Variants in ERBB4 observed in about 807,000 individuals in gnomAD.
ERBB4 encodes receptor tyrosine-protein kinase erbB-4.
In ERBB4, 42 loss-of-function variants were observed where a neutral mutation model predicts 158.0. That is an observed-to-expected ratio of 0.27 (90% confidence interval 0.21 to 0.34). ERBB4 has a LOEUF of 0.34. Among genes scored for constraint, ERBB4 ranks in the 10% least tolerant of loss-of-function variants. ERBB4 has a pLI of 1.00. For synonymous variants in ERBB4, 583 were observed against 558.7 expected, an observed-to-expected ratio of 1.04 and a Z score of -0.61; for missense variants, 1,333 against 1,624.1, an observed-to-expected ratio of 0.82 and a Z score of 3.08.
chr2:212,241,356 TTATATAACATCTA>T (rs1264267634), intron 1 of ERBB4, among the ~76,000 whole-genome samples: 10 of 152,196 alleles, frequency 6.6e-5, no homozygotes, highest in Admixed American at 5.2e-4. Flanking sequence ...TACTACATCT[TTATATAACATCTA>T]TATATAACAT....
rs1029170884 is a variant in ERBB4 at position 211,457,506 on chromosome 2, A to G, written c.2488-26406T>C. On this transcript the variant is annotated intron_variant, in intron 20 of 27. Transcript: ENST00000342788. ...AAAAGCTCCAACTGCCACTTATCCTAGAGAGGTAGCAATATGTAAACATCG... is the reference window on the plus strand; with the variant it reads ...AAAAGCTCCAACTGCCACTTATCCTGGAGAGGTAGCAATATGTAAACATCG... Among the ~76,000 whole-genome samples the G allele has an allele frequency of 3.3e-5, 5 of 152,314 alleles. No homozygotes were observed. In the East Asian group the frequency reaches 7.7e-4, roughly 24 times the overall value.
intron 2 of ERBB4, among the ~76,000 whole-genome samples, chr2:212,018,003 A>T (rs1487123255): frequency 6.6e-6 from 1 of 152,184 alleles, no homozygotes; most frequent in East Asian, 1.9e-4. Flanking sequence ...GGAGATCAAC[A>T]TTATACTTAG....
At chr2:211,563,155 T>C (rs933105811) in intron 19 of ERBB4, among the ~76,000 whole-genome samples, 1 of 152,198 alleles carries the variant, frequency 6.6e-6, no homozygotes, top group Non-Finnish European at 1.5e-5. Flanking sequence ...ATTTAGTGCA[T>C]ACCAGTTAGC....
At chr2:212,120,526 T>C (rs1164683774) in intron 2 of ERBB4, among the ~76,000 whole-genome samples, 1 of 152,214 alleles carries the variant, frequency 6.6e-6, no homozygotes, top group Non-Finnish European at 1.5e-5. Flanking sequence ...ATGTTGAATA[T>C]GCAGATAGTG....
intron 2 of ERBB4, among the ~76,000 whole-genome samples, chr2:211,958,859 A>C (rs2081097802): frequency 6.6e-6 from 1 of 152,066 alleles, no homozygotes; most frequent in South Asian, 2.1e-4. Context: ...TAACTGCAAA[A>C]TCTGCTTTAA....
intron 20 of ERBB4, among the ~76,000 whole-genome samples, chr2:211,524,641 C>T (rs187611222): frequency 0.5 from 11,477 of 23,092 alleles, 690 homozygotes; most frequent in African/African-American, 0.52. Context: ...CCTCATTGCC[C>T]GGGGCCGGCA....
intron 20 of ERBB4, among the ~76,000 whole-genome samples, chr2:211,497,572 C>T (rs1241740187): frequency 6.6e-6 from 1 of 151,972 alleles, no homozygotes; most frequent in East Asian, 1.9e-4. Flanking sequence ...AAGTGAAGCA[C>T]ATTATAAAAA....
At chr2:212,380,917 C>T (rs962098218) in intron 1 of ERBB4, among the ~76,000 whole-genome samples, 3 of 151,104 alleles carry the variant, frequency 2.0e-5, no homozygotes, top group Non-Finnish European at 4.4e-5. Flanking sequence ...AACACAAAAT[C>T]ATATATTGGG....
intron 20 of ERBB4, among the ~76,000 whole-genome samples, chr2:211,556,574 T>A (rs1279337055): frequency 6.6e-6 from 1 of 152,138 alleles, no homozygotes; most frequent in African/African-American, 2.4e-5. Context: ...GGGTACAGAA[T>A]ATACATCCAC....
intron 1 of ERBB4, among the ~76,000 whole-genome samples, chr2:212,313,398 GATTTTCATAT>G (rs2087132793): frequency 6.6e-6 from 1 of 150,708 alleles, no homozygotes; most frequent in Non-Finnish European, 1.5e-5. Context: ...TACATAATTT[GATTTTCATAT>G]ATTTTATATA....
At chr2:212,201,923 T>C (rs1191454964) in intron 1 of ERBB4, among the ~76,000 whole-genome samples, 1 of 152,206 alleles carries the variant, frequency 6.6e-6, no homozygotes, top group Non-Finnish European at 1.5e-5. Context: ...TTTATTTACA[T>C]ATATGTATTG....
chr2:211,393,663 C>T (rs894715861), intron 25 of ERBB4, among the ~76,000 whole-genome samples: 2 of 151,744 alleles, frequency 1.3e-5, no homozygotes, highest in East Asian at 1.9e-4. Context: ...ACTGCTCCAC[C>T]CCACTTATTT....
intron 1 of ERBB4, among the ~76,000 whole-genome samples, chr2:212,199,749 T>G (rs547448925): frequency 6.6e-6 from 1 of 152,164 alleles, no homozygotes; most frequent in East Asian, 1.9e-4. Flanking sequence ...TTATTAGAGA[T>G]GAGCAATTCA....
At chr2:211,691,798 A>T (rs1186632022) in intron 12 of ERBB4, among the ~76,000 whole-genome samples, 2 of 152,014 alleles carry the variant, frequency 1.3e-5, no homozygotes, top group Non-Finnish European at 2.9e-5. Flanking sequence ...AGGAAGGAAT[A>T]AGGTTAGTGC....
intron 2 of ERBB4, among the ~76,000 whole-genome samples, chr2:211,981,958 G>C (rs1245197440): frequency 6.6e-6 from 1 of 152,006 alleles, no homozygotes; most frequent in African/African-American, 2.4e-5. Context: ...CAGCTGGTTA[G>C]TAAGTTTTAT....
chr2:211,901,672 G>A (rs371110996), intron 3 of ERBB4, among the ~76,000 whole-genome samples: 6 of 152,068 alleles, frequency 3.9e-5, no homozygotes, highest in African/African-American at 9.7e-5. Flanking sequence ...CGCATATAAC[G>A]GGAGTGTTTA....
chr2:211,458,821 A>G (rs2064454977), intron 20 of ERBB4, among the ~76,000 whole-genome samples: 2 of 152,188 alleles, frequency 1.3e-5, no homozygotes, highest in South Asian at 2.1e-4. Context: ...GAAATCCTTC[A>G]GCCATCACCA....
At chr2:211,580,892 T>C (rs1268809693) in intron 19 of ERBB4, among the ~76,000 whole-genome samples, 539 of 6,230 alleles carry the variant, frequency 0.087, 119 homozygotes, top group African/African-American at 0.41. Flanking sequence ...TATATATATA[T>C]ATATATATAT....
At chr2:212,198,733 C>CTTTTTTTTTTTT (rs11448093) in intron 1 of ERBB4, among the ~76,000 whole-genome samples, 3 of 96,426 alleles carry the variant, frequency 3.1e-5, no homozygotes, top group African/African-American at 4.6e-5. Context: ...TCACCACGCC[C>CTTTTTTTTTTTT]TTTTTTTTTT....
Sources: allele counts gnomAD v4.1 joint callset (sites outside exome capture counted in the v4.1 genomes callset), GRCh38; gene constraint gnomAD v4.1.1; transcripts MANE v1.5; gene names NCBI Gene and HGNC (gene_info 2026-07-23, HGNC 2026-07-21).